ARHGAP15: variants seen among roughly 807,000 people sequenced by gnomAD.
The protein encoded by ARHGAP15 is Rho GTPase activating protein 15.
In ARHGAP15, 51 loss-of-function variants were observed where a neutral mutation model predicts 63.7. That is an observed-to-expected ratio of 0.80 (90% CI 0.64 to 1.01). The LOEUF (loss-of-function observed/expected upper bound fraction) is 1.01, where lower values mean the gene tolerates loss of function less well. Ranked by LOEUF, ARHGAP15 falls within the 50% of genes least tolerant of loss-of-function variation. The pLI, the probability that ARHGAP15 is intolerant of heterozygous loss-of-function variation, is 0.00. For missense variants in ARHGAP15, 560 were observed against 564.6 expected (o/e 0.99, Z 0.08); for synonymous variants, 191 against 193.8 (o/e 0.99, Z 0.12).
intron 6 of ARHGAP15, among the ~76,000 whole-genome samples, chr2:143,311,600 G>A (rs376232421): frequency 3.9e-4 from 60 of 152,238 alleles, no homozygotes; most frequent in African/African-American, 1.4e-3. Flanking sequence ...CAATATGGGA[G>A]AGTGTGGTTT....
intron 6 of ARHGAP15, among the ~76,000 whole-genome samples, chr2:143,399,296 TAGA>T (rs1260169490): frequency 6.6e-6 from 1 of 151,962 alleles, no homozygotes; most frequent in African/African-American, 2.4e-5. Flanking sequence ...ATTTTTTCTT[TAGA>T]AGAAGAGGGG....
At chr2:143,313,934 C>T (rs1337089531) in intron 6 of ARHGAP15, among the ~76,000 whole-genome samples, 1 of 147,252 alleles carries the variant, frequency 6.8e-6, no homozygotes, top group Non-Finnish European at 1.5e-5. Flanking sequence ...TTCTGCGAGA[C>T]TTAAGGTGGA....
chr2:143,182,606 C>T (rs1691284115), intron 2 of ARHGAP15, among the ~76,000 whole-genome samples: 1 of 152,128 alleles, frequency 6.6e-6, no homozygotes. Flanking sequence ...ACCCTTGCTG[C>T]CGTTCACCAG....
At chr2:143,654,234 T>A (rs1371446550) in intron 12 of ARHGAP15, among the ~76,000 whole-genome samples, 1 of 152,142 alleles carries the variant, frequency 6.6e-6, no homozygotes, top group African/African-American at 2.4e-5. Flanking sequence ...GTGGTGCCAT[T>A]AAGTAAATTT....
intron 8 of ARHGAP15, among the ~76,000 whole-genome samples, chr2:143,449,800 T>C (rs1315028149): frequency 6.6e-6 from 1 of 152,008 alleles, no homozygotes; most frequent in Non-Finnish European, 1.5e-5. Context: ...AAATAAAACC[T>C]CATTTTTTTT....
intron 3 of ARHGAP15, among the ~76,000 whole-genome samples, chr2:143,210,847 C>A (rs1289784052): frequency 1.3e-5 from 2 of 152,236 alleles, no homozygotes; most frequent in African/African-American, 2.4e-5. Context: ...TACTCTTCTT[C>A]ACATGCAATC....
At chr2:143,170,488 C>T (rs1198413517) in intron 2 of ARHGAP15, among the ~76,000 whole-genome samples, 1 of 152,210 alleles carries the variant, frequency 6.6e-6, no homozygotes, top group Non-Finnish European at 1.5e-5. Flanking sequence ...CTGATACCAA[C>T]CAAAACTCAA....
intron 6 of ARHGAP15, among the ~76,000 whole-genome samples, chr2:143,263,440 C>T (rs190315354): frequency 1.3e-5 from 2 of 152,278 alleles, no homozygotes; most frequent in East Asian, 3.9e-4. Context: ...GTATCTGCCT[C>T]TGCTGCTGGA....
At chr2:143,343,442 T>A (rs557089377) in intron 6 of ARHGAP15, among the ~76,000 whole-genome samples, 40 of 152,146 alleles carry the variant, frequency 2.6e-4, no homozygotes, top group Admixed American at 2.4e-3. Context: ...GAGATTGGAC[T>A]AAGAATGTTT....
At chr2:143,621,716 A>C (rs1455358697) in intron 11 of ARHGAP15, among the ~76,000 whole-genome samples, 2 of 152,160 alleles carry the variant, frequency 1.3e-5, no homozygotes, top group Admixed American at 1.3e-4. Context: ...TTTTAAGTAG[A>C]TATAATCAAA....
chr2:143,140,028 A>T (rs971975541), intron 1 of ARHGAP15, among the ~76,000 whole-genome samples: 1 of 152,166 alleles, frequency 6.6e-6, no homozygotes, highest in Non-Finnish European at 1.5e-5. Context: ...AAAAAGGTTA[A>T]ACGCGGTGGT....
At chr2:143,320,424 G>A (rs1448795486) in intron 6 of ARHGAP15, among the ~76,000 whole-genome samples, 1 of 29,382 alleles carries the variant, frequency 3.4e-5, no homozygotes. Flanking sequence ...CCCCCCCCCA[G>A]AGATCCTATG....
At chr2:143,680,021 T>TAAAAAAAAAAAAA (rs55927433) in intron 12 of ARHGAP15, among the ~76,000 whole-genome samples, 4 of 101,626 alleles carry the variant, frequency 3.9e-5, no homozygotes, top group Admixed American at 1.0e-4. Context: ...AGTAAATGAT[T>TAAAAAAAAAAAAA]AAAAAAAAAA....
chr2:143,562,173 T>G (rs1023891548), intron 11 of ARHGAP15, among the ~76,000 whole-genome samples: 1 of 152,190 alleles, frequency 6.6e-6, no homozygotes, highest in Non-Finnish European at 1.5e-5. Flanking sequence ...TACTTTAATA[T>G]AGATTTGTAC....
chr2:143,390,848 C>T (rs992660168), intron 6 of ARHGAP15, among the ~76,000 whole-genome samples: 13 of 152,096 alleles, frequency 8.5e-5, no homozygotes, highest in African/African-American at 2.9e-4. Context: ...AATTTGCCTC[C>T]GCTTTTTACA....
At chr2:143,373,707 T>C (rs1264767725) in intron 6 of ARHGAP15, among the ~76,000 whole-genome samples, 4 of 146,426 alleles carry the variant, frequency 2.7e-5, no homozygotes, top group African/African-American at 1.0e-4. Context: ...GAAAGAGCAA[T>C]TACTTTTGTT....
intron 11 of ARHGAP15, among the ~76,000 whole-genome samples, chr2:143,561,884 C>G (rs1574636678): frequency 6.6e-6 from 1 of 152,156 alleles, no homozygotes; most frequent in Non-Finnish European, 1.5e-5. Flanking sequence ...CAAGGAGGAA[C>G]AAAATATACA....
chr2:143,504,067 C>G (rs571561146), intron 9 of ARHGAP15, among the ~76,000 whole-genome samples: 1 of 151,982 alleles, frequency 6.6e-6, no homozygotes, highest in African/African-American at 2.4e-5. Flanking sequence ...TGAATTAGAG[C>G]CTTGGACTTT....
At chr2:143,509,332 G>GA (rs35562461) in intron 9 of ARHGAP15, among the ~76,000 whole-genome samples, 30,632 of 139,836 alleles carry the variant, frequency 0.22, 3,385 homozygotes, top group East Asian at 0.41. Flanking sequence ...TGCCTCTTAT[G>GA]AAAAAAAAAA....
Sources: gnomAD v4.1 joint callset for allele counts (sites outside exome capture counted in the v4.1 genomes callset) on GRCh38, gnomAD v4.1.1 for gene constraint, MANE v1.5 for transcripts, NCBI Gene and HGNC (gene_info 2026-07-23, HGNC 2026-07-21) for gene names.